Variants in EPB41L3 observed in about 807,000 individuals in gnomAD.
EPB41L3 encodes the protein band 4.1-like protein 3.
In EPB41L3, 57 loss-of-function variants were observed where a neutral mutation model predicts 127.1. The observed-to-expected ratio is 0.45, with a 90% CI of 0.36 to 0.56. EPB41L3 has a LOEUF of 0.56. EPB41L3 is among the 20% of genes least tolerant of loss of function. EPB41L3 has a pLI of 0.00. For missense variants in EPB41L3, 1,273 were observed against 1,372.2 expected (o/e 0.93, Z 1.14); for synonymous variants, 572 against 549.5 (o/e 1.04, Z -0.57).
rs1386782623 is a variant in EPB41L3 at position 5,543,876 on chromosome 18, C to T, written c.-12+37G>A. ...TCCGCACCTCGTAAAGCCGAGACCC[C>T]CTCGCAGTCCCCCACTCCGAGAGGC... On this transcript the variant is annotated intron_variant, in intron 1 of 22. Coordinates refer to ENST00000341928, the MANE Select transcript of EPB41L3 (RefSeq NM_012307.5). This position sits in a 1 kb window ranked among gnomAD's most constrained non-coding sequence, Gnocchi z 5.2. 4.2e-5 allele frequency: 41 copies of T among 985,338 alleles called. No homozygotes were observed. The highest frequency in any genetic ancestry group is 4.8e-5 in the Non-Finnish European group (40 of 829,962). The allele number at this position is 985,338 out of a possible 1,614,324, so 61.0% of individuals were successfully genotyped here. A position where few individuals can be genotyped will look rare whatever the true frequency, so the allele number is the denominator to read the frequency against.
intron 3 of EPB41L3, among the ~76,000 whole-genome samples, chr18:5,474,345 G>T (rs552781127): frequency 6.6e-6 from 1 of 152,152 alleles, no homozygotes; most frequent in Admixed American, 6.5e-5. Flanking sequence ...TAGAAACATC[G>T]GTGGGGAGAT....
At chr18:5,466,265 T>C (rs948478273) in intron 3 of EPB41L3, 2 of 152,226 alleles carry the variant, frequency 1.3e-5, no homozygotes, top group Non-Finnish European at 2.9e-5. Flanking sequence ...AATAGCACCA[T>C]ATTCCTTTTG....
intron 3 of EPB41L3, among the ~76,000 whole-genome samples, chr18:5,558,774 C>T (rs967472942): frequency 3.3e-5 from 5 of 152,168 alleles, no homozygotes; most frequent in African/African-American, 9.7e-5. Flanking sequence ...ATAGTAGGCA[C>T]ATACCAGTTA....
intron 1 of EPB41L3, among the ~76,000 whole-genome samples, chr18:5,515,351 T>C (rs111517354): frequency 0.024 from 3,619 of 152,298 alleles, 140 homozygotes; most frequent in African/African-American, 0.082. Context: ...GTAGCAAATA[T>C]GAATTCTTCA....
rs557428454 is a variant in EPB41L3 at position 5,481,665 on chromosome 18, T to C, written c.184-3227A>G. ...AGTCCTGGACACTCTGCTCTGTAAC[T>C]TGGCCAAAGGAGACACTGAATCAGA... On this transcript the variant is annotated intron_variant, in intron 2 of 22. Transcript: ENST00000341928. Among the ~76,000 whole-genome samples, 17 of 152,286 alleles carry C rather than the reference T, an allele frequency of 1.1e-4. No homozygotes were observed. The East Asian group carries it at 3.3e-3, about 29-fold the overall frequency.
At chr18:5,483,407 A>C (rs2088993259) in intron 2 of EPB41L3, among the ~76,000 whole-genome samples, 2 of 152,212 alleles carry the variant, frequency 1.3e-5, no homozygotes, top group Non-Finnish European at 2.9e-5. Context: ...ACTTAGCCAC[A>C]AAGGAAAACC....
At chr18:5,603,619 T>G (rs540425140) in intron 3 of EPB41L3, among the ~76,000 whole-genome samples, 2 of 152,282 alleles carry the variant, frequency 1.3e-5, no homozygotes, top group Admixed American at 6.5e-5. Context: ...GCATGGTGGC[T>G]CACGCCTAAT....
intron 1 of EPB41L3, among the ~76,000 whole-genome samples, chr18:5,508,794 T>C (rs1282030941): frequency 6.8e-6 from 1 of 146,674 alleles, no homozygotes; most frequent in Non-Finnish European, 1.5e-5. Context: ...AAAAAGAATC[T>C]AGTAAGAATA....
upstream of EPB41L3, chr18:5,544,047 C>T (rs1206412933): frequency 1.0e-6 from 1 of 985,594 alleles, no homozygotes; most frequent in Non-Finnish European, 1.2e-6. Flanking sequence ...CTGTTCCCCC[C>T]GCCCCCTGTT....
intron 14 of EPB41L3, among the ~76,000 whole-genome samples, chr18:5,408,914 T>TA (rs917748320): frequency 1.4e-4 from 22 of 152,332 alleles, no homozygotes; most frequent in African/African-American, 5.1e-4. Context: ...ACTGGGGCTT[T>TA]ATGCCCTTGT....
chr18:5,571,901 G>A (rs1286802747), intron 3 of EPB41L3, among the ~76,000 whole-genome samples: 1 of 152,222 alleles, frequency 6.6e-6, no homozygotes, highest in Admixed American at 6.5e-5. Context: ...ATCCATGAAA[G>A]TAATTGCCTG....
intron 3 of EPB41L3, among the ~76,000 whole-genome samples, chr18:5,579,213 G>A (rs2094367093): frequency 6.6e-6 from 1 of 152,158 alleles, no homozygotes; most frequent in African/African-American, 2.4e-5. Context: ...TTTTCAGAGT[G>A]TAATAAGATT....
intron 2 of EPB41L3, among the ~76,000 whole-genome samples, chr18:5,487,382 T>TA (rs2089932196): frequency 6.7e-6 from 1 of 149,824 alleles, no homozygotes; most frequent in East Asian, 1.9e-4. Flanking sequence ...AAAATATACA[T>TA]ATATACAAAA....
chr18:5,431,133 T>C (rs1197017636), intron 8 of EPB41L3: 2 of 152,306 alleles, frequency 1.3e-5, no homozygotes, highest in Non-Finnish European at 2.9e-5. Flanking sequence ...CCTATCAAGA[T>C]GCACATTAAG....
intron 1 of EPB41L3, among the ~76,000 whole-genome samples, chr18:5,519,257 C>T (rs999052678): frequency 6.6e-6 from 1 of 152,190 alleles, no homozygotes; most frequent in Admixed American, 6.5e-5. Context: ...AGAGAAGACG[C>T]CCCTGCGTGT....
At chr18:5,588,208 G>A (rs1300125039) in intron 3 of EPB41L3, among the ~76,000 whole-genome samples, 1 of 152,144 alleles carries the variant, frequency 6.6e-6, no homozygotes, top group Non-Finnish European at 1.5e-5. Flanking sequence ...TAGTCAGTAA[G>A]AGCCAGAATA....
intron 1 of EPB41L3, among the ~76,000 whole-genome samples, chr18:5,492,086 G>A (rs1167813060): frequency 1.3e-5 from 2 of 152,288 alleles, no homozygotes; most frequent in African/African-American, 2.4e-5. Context: ...TTGGGAGGCC[G>A]AGGCGGGTGG....
chr18:5,549,236 C>T (rs1276523422), upstream of EPB41L3, among the ~76,000 whole-genome samples: 2 of 152,088 alleles, frequency 1.3e-5, no homozygotes, highest in Admixed American at 1.3e-4. Context: ...TTTTTTTCCC[C>T]TTTCCAACTG....
chr18:5,552,558 C>T (rs114682412), intron 3 of EPB41L3, among the ~76,000 whole-genome samples: 2,013 of 152,202 alleles, frequency 0.013, 49 homozygotes, highest in African/African-American at 0.045. Flanking sequence ...TATAACCTGA[C>T]GTTTTATGAA....
Sources: gnomAD v4.1 joint callset for allele counts (sites outside exome capture counted in the v4.1 genomes callset) on GRCh38, gnomAD v4.1.1 for gene constraint, Gnocchi (gnomAD v3.1) non-coding constraint, MANE v1.5 for transcripts, NCBI Gene and HGNC (gene_info 2026-07-23, HGNC 2026-07-21) for gene names.